ERGIC1: variants seen among roughly 807,000 people sequenced by gnomAD.
The protein encoded by ERGIC1 is endoplasmic reticulum-golgi intermediate compartment 1, also known as endoplasmic reticulum-Golgi intermediate compartment protein 1.
A neutral mutation model predicts 38.3 loss-of-function variants in ERGIC1; 19 were observed. The ratio of observed to expected loss-of-function variants is 0.50; its 90% CI spans 0.35 to 0.73. The LOEUF (loss-of-function observed/expected upper bound fraction) is 0.73. Ranked by LOEUF, ERGIC1 falls within the 30% of genes least tolerant of loss-of-function variation. The pLI is 0.01. For missense variants in ERGIC1, 294 were observed against 389.2 expected, an observed-to-expected ratio of 0.76 and a Z score of 2.06; for synonymous variants, 124 against 157.6, an observed-to-expected ratio of 0.79 and a Z score of 1.60.
chr5:172,840,506 G>A (rs536747696), intron 1 of ERGIC1, among the ~76,000 whole-genome samples: 1 of 152,298 alleles, frequency 6.6e-6, no homozygotes, highest in South Asian at 2.1e-4. Context: ...CTAATGCACA[G>A]CCAAGACGGA....
chr5:172,915,647 A>G (rs1763344587), intron 5 of ERGIC1: 1 of 470,984 alleles, frequency 2.1e-6, no homozygotes, highest in African/African-American at 2.0e-5. Flanking sequence ...GTACTGTCAC[A>G]GTGGAGCCTC....
At chr5:172,921,591 C>G (rs1559063) in intron 5 of ERGIC1, 46,418 of 152,154 alleles carry the variant, frequency 0.31, 7,642 homozygotes, top group Non-Finnish European at 0.38. Context: ...TCCTCGGACA[C>G]AGCTCGCACA....
intron 1 of ERGIC1, among the ~76,000 whole-genome samples, chr5:172,848,094 G>A (rs1438073720): frequency 6.6e-6 from 1 of 152,240 alleles, no homozygotes; most frequent in African/African-American, 2.4e-5. Flanking sequence ...GATATTCTGA[G>A]CATACTCAAA....
chr5:172,921,955 G>C (rs1373807469), intron 5 of ERGIC1, among the ~76,000 whole-genome samples: 1 of 152,238 alleles, frequency 6.6e-6, no homozygotes. Flanking sequence ...TGAGCCGGGG[G>C]CCTTCCCTGT....
chr5:172,922,638 C>T (rs964693850), intron 5 of ERGIC1, among the ~76,000 whole-genome samples: 2 of 152,180 alleles, frequency 1.3e-5, no homozygotes, highest in Non-Finnish European at 2.9e-5. Flanking sequence ...GTTCCCGGCA[C>T]GGCAGGAGAC....
In ERGIC1 at chr5:172,893,905, A is replaced by ATATATATGTGTGTGTGTGTG. The variant is rs1173039695; in HGVS notation, c.83-3096_83-3095insATATATGTGTGTGTGTGTGT. Among the ~76,000 whole-genome samples, 67 of 15,506 alleles carry ATATATATGTGTGTGTGTGTG rather than the reference A, an allele frequency of 4.3e-3. 2 individuals carry two copies. Among genetic ancestry groups the ATATATATGTGTGTGTGTGTG allele is most frequent in the Middle Eastern group, 0.045 (1 of 22 alleles). The allele number at this position is 15,506 out of a possible 152,430, so 10.2% of individuals were successfully genotyped here. A position where few individuals can be genotyped will look rare whatever the true frequency, so the allele number is the denominator to read the frequency against. ...TATATATATATATATATATATATAT[A>ATATATATGTGTGTGTGTGTG]TGTGTGTGTGTGTGTGTGTGTGTGT... On this transcript the variant is annotated intron_variant, in intron 2 of 9. Coordinates refer to ENST00000393784, the MANE Select transcript of ERGIC1 (RefSeq NM_001031711.3).
At chr5:172,839,579 A>G (rs1024836140) in intron 1 of ERGIC1, among the ~76,000 whole-genome samples, 2 of 151,904 alleles carry the variant, frequency 1.3e-5, no homozygotes, top group African/African-American at 4.8e-5. Context: ...ACACACACAC[A>G]TACACACACA....
intron 7 of ERGIC1, among the ~76,000 whole-genome samples, chr5:172,930,187 CA>C (rs377062885): frequency 2.0e-3 from 212 of 107,890 alleles, no homozygotes; most frequent in Admixed American, 2.9e-3. Context: ...AACTCCGTTT[CA>C]AAAAAAAAAA....
At chr5:172,876,278 A>T (rs939330972) in intron 1 of ERGIC1, among the ~76,000 whole-genome samples, 1 of 152,166 alleles carries the variant, frequency 6.6e-6, no homozygotes, top group Non-Finnish European at 1.5e-5. Flanking sequence ...CACAAAGAGG[A>T]TTTTTCTAAT....
intron 9 of ERGIC1, among the ~76,000 whole-genome samples, chr5:172,949,127 T>C (rs1764179796): frequency 6.6e-6 from 1 of 152,224 alleles, no homozygotes. Flanking sequence ...TTCTCTGAAG[T>C]CATCAGAAGG....
Position 172,837,465 on chromosome 5 carries a change from A to G in ERGIC1, c.20+3032A>G, listed in dbSNP as rs1761063906. On this transcript the variant is annotated intron_variant, in intron 1 of 9. Transcript: ENST00000393784. This position sits in a 1 kb window ranked among gnomAD's most constrained non-coding sequence, Gnocchi z 4.3. Reference sequence around the variant, plus strand: ...GCTTCTCTCTCCCTCCCATTAGTACATGAGCTCCTGAGGGCAAGAAGTTTT... The same window carrying G: ...GCTTCTCTCTCCCTCCCATTAGTACGTGAGCTCCTGAGGGCAAGAAGTTTT... Among the ~76,000 whole-genome samples, 1 of 152,200 alleles carries G rather than the reference A, an allele frequency of 6.6e-6. No homozygotes were observed.
intron 8 of ERGIC1, chr5:172,934,959 T>C: frequency 1.8e-6 from 1 of 559,790 alleles, no homozygotes; most frequent in Non-Finnish European, 3.2e-6. Flanking sequence ...GCAGCTCACT[T>C]GGTCAATTTC....
chr5:172,873,936 A>AG (rs1315114239), intron 1 of ERGIC1, among the ~76,000 whole-genome samples: 1 of 152,172 alleles, frequency 6.6e-6, no homozygotes, highest in Non-Finnish European at 1.5e-5. Context: ...GCTTGAAGTT[A>AG]GATATAAACA....
At chr5:172,849,548 C>T (rs1761352533) in intron 1 of ERGIC1, among the ~76,000 whole-genome samples, 1 of 152,110 alleles carries the variant, frequency 6.6e-6, no homozygotes, top group Non-Finnish European at 1.5e-5. Context: ...TGTGTGTGCT[C>T]TAGGGATCAT....
At chr5:172,935,156 T>C in intron 8 of ERGIC1, 32 bp from the exon 9 acceptor site, 1 of 1,613,782 alleles carries the variant, frequency 6.2e-7, no homozygotes, top group Non-Finnish European at 8.5e-7. Flanking sequence ...AGACACAGTT[T>C]GTACTTCTGA....
At chr5:172,899,848 T>C (rs1343389066) in intron 3 of ERGIC1, among the ~76,000 whole-genome samples, 1 of 152,168 alleles carries the variant, frequency 6.6e-6, no homozygotes, top group Non-Finnish European at 1.5e-5. Flanking sequence ...TTTATGAGGA[T>C]CAAACAAGAT....
chr5:172,907,874 G>A (rs1442177653), intron 3 of ERGIC1, among the ~76,000 whole-genome samples: 1 of 152,146 alleles, frequency 6.6e-6, no homozygotes, highest in African/African-American at 2.4e-5. Context: ...TAAGCTTGAA[G>A]AAGGTAGAGA....
chr5:172,938,180 C>T (rs1330314670), intron 9 of ERGIC1, among the ~76,000 whole-genome samples: 1 of 152,158 alleles, frequency 6.6e-6, no homozygotes, highest in Non-Finnish European at 1.5e-5. Context: ...TAACCCAAGA[C>T]CCCGCAGGGT....
chr5:172,914,689 T>C, intron 4 of ERGIC1, 25 bp from the exon 5 acceptor site: 1 of 1,613,956 alleles, frequency 6.2e-7, no homozygotes, highest in Non-Finnish European at 8.5e-7. Context: ...GGTTTGTGAC[T>C]GTTGTCTCCC....
Sources: gnomAD v4.1 joint callset for allele counts (sites outside exome capture counted in the v4.1 genomes callset) on GRCh38, gnomAD v4.1.1 for gene constraint, Gnocchi (gnomAD v3.1) non-coding constraint, MANE v1.5 for transcripts, NCBI Gene and HGNC (gene_info 2026-07-23, HGNC 2026-07-21) for gene names.